Variants in SGCZ observed in about 807,000 individuals in gnomAD.
The protein encoded by SGCZ is sarcoglycan zeta, also known as zeta-sarcoglycan.
SGCZ carries 40 observed loss-of-function variants against 41.3 expected under a neutral mutation model. The ratio of observed to expected loss-of-function variants is 0.97; its 90% CI spans 0.75 to 1.26. The LOEUF is 1.26. Ranked by LOEUF, SGCZ falls within the 50% of genes most tolerant of loss-of-function variation. The pLI, the probability that SGCZ is intolerant of heterozygous loss-of-function variation, is 0.00. For synonymous variants in SGCZ, 206 were observed against 137.5 expected (o/e 1.50, Z -3.49); for missense variants, 552 against 369.8 (o/e 1.49, Z -4.04).
In SGCZ at chr8:14,230,765, G is replaced by T. The variant is rs200251195; in HGVS notation, c.424+6827C>A. ...TTTCCTTCTTTTTTTTTTGGTGGTG[G>T]TGGGGGGGTGGTTACTCAAACATCT... is the stretch of plus-strand genomic sequence containing the variant. On this transcript the variant is annotated intron_variant, in intron 4 of 7. Coordinates refer to ENST00000382080, the MANE Select transcript of SGCZ (RefSeq NM_139167.4). Among the ~76,000 whole-genome samples the T allele has an allele frequency of 4.7e-3, 697 of 149,110 alleles. 5 individuals carry two copies. Among genetic ancestry groups the T allele is most frequent in the African/African-American group, 0.016 (658 of 40,800 alleles).
At chr8:14,096,222 T>G (rs915610597) in intron 7 of SGCZ, among the ~76,000 whole-genome samples, 3 of 152,188 alleles carry the variant, frequency 2.0e-5, no homozygotes, top group African/African-American at 7.2e-5. Flanking sequence ...CCATTCCTTA[T>G]GACATTTGCT....
At chr8:14,603,420 G>C (rs550980315) in intron 1 of SGCZ, among the ~76,000 whole-genome samples, 1 of 151,840 alleles carries the variant, frequency 6.6e-6, no homozygotes, top group Non-Finnish European at 1.5e-5. Context: ...TCTATATAAA[G>C]ATTTTCTATG....
intron 5 of SGCZ, among the ~76,000 whole-genome samples, chr8:14,124,067 C>A (rs776235405): frequency 6.6e-6 from 1 of 152,078 alleles, no homozygotes; most frequent in Non-Finnish European, 1.5e-5. Context: ...GAAGGGAGCT[C>A]AGACCAGGAA....
chr8:14,618,571 C>T (rs550775036), intron 1 of SGCZ, among the ~76,000 whole-genome samples: 2 of 152,012 alleles, frequency 1.3e-5, no homozygotes, highest in East Asian at 3.9e-4. Context: ...GGTCAGGCAG[C>T]CTATGCAGTG....
intron 1 of SGCZ, among the ~76,000 whole-genome samples, chr8:15,049,458 A>G (rs1411468414): frequency 6.6e-6 from 1 of 152,140 alleles, no homozygotes; most frequent in Non-Finnish European, 1.5e-5. Flanking sequence ...TCATTCTCAG[A>G]GCAAATGGAA....
At chr8:14,999,226 A>G (rs1256628702) in intron 1 of SGCZ, among the ~76,000 whole-genome samples, 1 of 152,208 alleles carries the variant, frequency 6.6e-6, no homozygotes, top group Non-Finnish European at 1.5e-5. Context: ...AGTGCAAAAC[A>G]TTATGGTTGA....
At position 14,367,339 on chromosome 8, in the gene SGCZ, A is replaced by G. The variant is rs182017813; in HGVS notation, c.235-43135T>C. ...TCTAGGAAGTTCCAAACATCCCCAC[A>G]TCTTCCTGTCTTCTTCTGAGCCCTC... On this transcript the variant is annotated intron_variant, in intron 2 of 7. Coordinates refer to ENST00000382080, the MANE Select transcript of SGCZ (RefSeq NM_139167.4). 2.9e-3 allele frequency among the ~76,000 whole-genome samples: 441 copies of G among 152,066 alleles called. 3 individuals are homozygous for G. The highest frequency in any genetic ancestry group is 3.3e-3 in the Non-Finnish European group (226 of 67,954).
intron 1 of SGCZ, among the ~76,000 whole-genome samples, chr8:14,963,262 G>C (rs1037228480): frequency 6.6e-6 from 1 of 152,120 alleles, no homozygotes; most frequent in African/African-American, 2.4e-5. Context: ...TGAAAAAATG[G>C]AATTAGATTG....
At chr8:14,488,305 T>C (rs1184543231) in intron 2 of SGCZ, among the ~76,000 whole-genome samples, 2 of 152,268 alleles carry the variant, frequency 1.3e-5, no homozygotes, top group Non-Finnish European at 2.9e-5. Context: ...GTATTATGGA[T>C]AAAAGTTTGA....
At chr8:15,039,155 A>C (rs1598190) in intron 1 of SGCZ, among the ~76,000 whole-genome samples, 141,292 of 152,144 alleles carry the variant, frequency 0.93, 65,670 homozygotes, top group East Asian at 1. Flanking sequence ...TAAATCAGTA[A>C]GTTAAAGAGT....
At chr8:14,991,423 T>G (rs1297124535) in intron 1 of SGCZ, among the ~76,000 whole-genome samples, 5 of 152,182 alleles carry the variant, frequency 3.3e-5, no homozygotes. Flanking sequence ...GTATGAGCAT[T>G]GGAGTTTGAG....
At chr8:15,188,797 CAGG>C (rs770689869) in intron 1 of SGCZ, among the ~76,000 whole-genome samples, 2 of 151,628 alleles carry the variant, frequency 1.3e-5, no homozygotes, top group East Asian at 3.9e-4. Context: ...CATATTGTAT[CAGG>C]AGATGTTGAT....
chr8:14,982,681 A>G (rs1224290809), intron 1 of SGCZ, among the ~76,000 whole-genome samples: 2 of 152,206 alleles, frequency 1.3e-5, no homozygotes, highest in Non-Finnish European at 2.9e-5. Flanking sequence ...TTATTCTTAC[A>G]TTGTAAGTGG....
chr8:14,420,803 C>A (rs996594230), intron 2 of SGCZ, among the ~76,000 whole-genome samples: 2 of 152,078 alleles, frequency 1.3e-5, no homozygotes, highest in African/African-American at 4.8e-5. Context: ...TAATATGTTT[C>A]TTTCCTCCTT....
intron 1 of SGCZ, among the ~76,000 whole-genome samples, chr8:14,661,334 G>A (rs1265094300): frequency 6.6e-6 from 1 of 152,010 alleles, no homozygotes; most frequent in Non-Finnish European, 1.5e-5. Context: ...AATGCATTTG[G>A]ACAACCATTG....
intron 4 of SGCZ, among the ~76,000 whole-genome samples, chr8:14,208,602 A>G (rs1005884532): frequency 6.6e-6 from 1 of 152,230 alleles, no homozygotes; most frequent in Non-Finnish European, 1.5e-5. Flanking sequence ...AGCAATTATA[A>G]TAGAATCAGA....
At chr8:14,968,096 T>A (rs1330047181) in intron 1 of SGCZ, among the ~76,000 whole-genome samples, 3 of 152,158 alleles carry the variant, frequency 2.0e-5, no homozygotes, top group Non-Finnish European at 4.4e-5. Flanking sequence ...AATGTGGCCA[T>A]TTTGGTGTCT....
intron 3 of SGCZ, among the ~76,000 whole-genome samples, chr8:14,250,602 T>A (rs1799250116): frequency 6.6e-6 from 1 of 152,144 alleles, no homozygotes; most frequent in Non-Finnish European, 1.5e-5. Context: ...TCTCCATATA[T>A]CTGCATGGAT....
At chr8:14,279,107 T>G (rs1001757223) in intron 3 of SGCZ, among the ~76,000 whole-genome samples, 6 of 152,090 alleles carry the variant, frequency 3.9e-5, no homozygotes, top group African/African-American at 1.2e-4. Context: ...CATCTTAGGT[T>G]GAATTCCCTA....
Sources: allele counts gnomAD v4.1 joint callset (sites outside exome capture counted in the v4.1 genomes callset), GRCh38; gene constraint gnomAD v4.1.1; transcripts MANE v1.5; gene names NCBI Gene and HGNC (gene_info 2026-07-23, HGNC 2026-07-21).